Variants in HHAT observed in about 807,000 individuals in gnomAD.
The protein encoded by HHAT is protein-cysteine N-palmitoyltransferase HHAT.
A neutral mutation model predicts 70.8 loss-of-function variants in HHAT; 47 were observed. The observed-to-expected ratio is 0.66, with a 90% CI of 0.53 to 0.85. The LOEUF is 0.85. Among genes scored for constraint, HHAT ranks in the 40% least tolerant of loss-of-function variants. The probability of loss-of-function intolerance (pLI) is 0.00; values close to 1 mark genes in which losing one functional copy is unlikely to be tolerated. For missense variants in HHAT, 609 were observed against 604.8 expected (o/e 1.01, Z -0.07); for synonymous variants, 228 against 247.6 (o/e 0.92, Z 0.74).
chr1:210,389,772 G>C (rs1328967657), intron 4 of HHAT, among the ~76,000 whole-genome samples: 25 of 152,138 alleles, frequency 1.6e-4, no homozygotes, highest in African/African-American at 5.8e-4. Context: ...TTATAGCAGT[G>C]TGTAAACAGA....
intron 2 of HHAT, among the ~76,000 whole-genome samples, chr1:210,361,693 C>A (rs2088331558): frequency 6.6e-6 from 1 of 152,014 alleles, no homozygotes; most frequent in African/African-American, 2.4e-5. Context: ...TTTTGTTGAT[C>A]TGATATGCAT....
intron 9 of HHAT, among the ~76,000 whole-genome samples, chr1:210,518,514 C>T (rs932543309): frequency 1.3e-5 from 2 of 152,120 alleles, no homozygotes; most frequent in Non-Finnish European, 2.9e-5. Context: ...TATTTGGCCC[C>T]AGGCACGGTG....
chr1:210,601,117 CTG>C (rs1664167319), intron 10 of HHAT, among the ~76,000 whole-genome samples: 1 of 151,660 alleles, frequency 6.6e-6, no homozygotes, highest in Admixed American at 6.6e-5. Context: ...CCCAAAGACT[CTG>C]TGGTGGTGGT....
chr1:210,610,823 T>C (rs1261812693), intron 10 of HHAT, among the ~76,000 whole-genome samples: 1 of 152,174 alleles, frequency 6.6e-6, no homozygotes, highest in Non-Finnish European at 1.5e-5. Context: ...CAGACGATTA[T>C]AGGTATGCGG....
At chr1:210,575,638 T>C (rs1392604719) in intron 9 of HHAT, among the ~76,000 whole-genome samples, 1 of 152,192 alleles carries the variant, frequency 6.6e-6, no homozygotes, top group African/African-American at 2.4e-5. Flanking sequence ...TGTTTGTGAC[T>C]GAGAGCTAGT....
intron 9 of HHAT, among the ~76,000 whole-genome samples, chr1:210,514,885 C>T (rs1267317528): frequency 1.3e-5 from 2 of 152,252 alleles, no homozygotes; most frequent in African/African-American, 4.8e-5. Context: ...TTAGAGAGAG[C>T]AGTGGTCTGC....
chr1:210,582,107 G>A (rs1659398248), intron 9 of HHAT, among the ~76,000 whole-genome samples: 1 of 152,220 alleles, frequency 6.6e-6, no homozygotes, highest in African/African-American at 2.4e-5. Context: ...ACTTCCTGGA[G>A]TTGGGAAATC....
intron 6 of HHAT, among the ~76,000 whole-genome samples, chr1:210,409,696 T>C (rs1459690908): frequency 6.6e-6 from 1 of 152,226 alleles, no homozygotes; most frequent in Non-Finnish European, 1.5e-5. Context: ...TATTCGTGTA[T>C]GAAGAAAAAG....
intron 1 of HHAT, among the ~76,000 whole-genome samples, chr1:210,335,953 A>T (rs1571670779): frequency 6.6e-6 from 1 of 152,196 alleles, no homozygotes; most frequent in Non-Finnish European, 1.5e-5. Flanking sequence ...ATCTTGTGAC[A>T]CAAAGCTGAG....
intron 8 of HHAT, among the ~76,000 whole-genome samples, chr1:210,485,349 G>A (rs113022834): frequency 4.2e-4 from 64 of 152,274 alleles, no homozygotes; most frequent in African/African-American, 1.5e-3. Flanking sequence ...AGCCGCAATA[G>A]ACTTCTTCAC....
At chr1:210,618,182 A>G (rs978693357) in intron 10 of HHAT, among the ~76,000 whole-genome samples, 3 of 152,192 alleles carry the variant, frequency 2.0e-5, no homozygotes, top group South Asian at 2.1e-4. Context: ...TGGCACAGAG[A>G]TGGGACATGG....
intron 7 of HHAT, among the ~76,000 whole-genome samples, chr1:210,434,048 T>C (rs1204380862): frequency 1.3e-5 from 2 of 151,922 alleles, no homozygotes; most frequent in Non-Finnish European, 2.9e-5. Context: ...GGGCTATCAA[T>C]GAATCAGAAG....
chr1:210,511,875 C>T (rs193181909), intron 8 of HHAT, among the ~76,000 whole-genome samples: 7 of 147,176 alleles, frequency 4.8e-5, no homozygotes, highest in East Asian at 2.0e-4. Flanking sequence ...CTGAAAGCTC[C>T]GCCTCCTGGG....
rs77308639 is a variant in HHAT at position 210,384,754 on chromosome 1, A to G, written c.160-2714A>G. On this transcript the variant is annotated intron_variant, in intron 3 of 11. Transcript: ENST00000261458. The stretch of plus-strand genomic sequence containing the variant: ...AGAAAGAAAATGGGGGAAGGGACAG[A>G]TCATGATGTTGTTCCTGATTTCAGG... Among the ~76,000 whole-genome samples, 787 of 152,274 alleles carry G rather than the reference A, an allele frequency of 5.2e-3. 14 individuals carry two copies. The East Asian group carries it at 0.075, about 14-fold the overall frequency.
chr1:210,472,725 AT>A (rs775914720), intron 8 of HHAT, among the ~76,000 whole-genome samples: 1 of 152,212 alleles, frequency 6.6e-6, no homozygotes, highest in Non-Finnish European at 1.5e-5. Flanking sequence ...ACCTGTGTTC[AT>A]TAGGTTATAG....
chr1:210,414,660 TAACA>T (rs2092665565), intron 6 of HHAT, among the ~76,000 whole-genome samples: 1 of 151,866 alleles, frequency 6.6e-6, no homozygotes, highest in Non-Finnish European at 1.5e-5. Context: ...TTTGCCTCTC[TAACA>T]GAGAGGGCCC....
rs575908676 is a variant in HHAT at position 210,660,350 on chromosome 1, C to CT, written c.1391-13936dup. Among the ~76,000 whole-genome samples the CT allele has an allele frequency of 4.3e-3, 661 of 152,268 alleles. 5 individuals carry two copies. Among genetic ancestry groups the CT allele is most frequent in the South Asian group, 0.023 (113 of 4,824 alleles). ...GAGAATAAAATACCCAGGAATCCAACTTACAAGGGATGTGAAGGACCCCTT... is the reference window on the plus strand; with the variant it reads ...GAGAATAAAATACCCAGGAATCCAACTTTACAAGGGATGTGAAGGACCCCTT... On this transcript the variant is annotated intron_variant, in intron 11 of 11. Coordinates refer to ENST00000261458, the MANE Select transcript of HHAT (RefSeq NM_018194.6).
intron 8 of HHAT, among the ~76,000 whole-genome samples, chr1:210,512,635 C>T (rs4845038): frequency 0.19 from 27,969 of 143,764 alleles, 3,224 homozygotes; most frequent in Admixed American, 0.31. Context: ...CGCACCGCTG[C>T]ACTTCAGCCT....
chr1:210,572,138 A>G (rs1014913534), intron 9 of HHAT, among the ~76,000 whole-genome samples: 2 of 152,204 alleles, frequency 1.3e-5, no homozygotes, highest in African/African-American at 2.4e-5. Context: ...CTCAAGCATT[A>G]TCAGTTTTCC....
Sources: gnomAD v4.1 joint callset for allele counts (sites outside exome capture counted in the v4.1 genomes callset) on GRCh38, gnomAD v4.1.1 for gene constraint, MANE v1.5 for transcripts, NCBI Gene and HGNC (gene_info 2026-07-23, HGNC 2026-07-21) for gene names.